Variants in SERTAD2 observed in about 807,000 individuals in gnomAD.
The protein encoded by SERTAD2 is SERTA domain-containing protein 2.
In SERTAD2, 2 loss-of-function variants were observed where a neutral mutation model predicts 15.4. The ratio of observed to expected loss-of-function variants is 0.13; its 90% confidence interval spans 0.05 to 0.41. The LOEUF (loss-of-function observed/expected upper bound fraction) is 0.41, where lower values mean the gene tolerates loss of function less well. SERTAD2 is among the 10% of genes least tolerant of loss of function. The pLI is 0.99. For synonymous variants in SERTAD2, 180 were observed against 178.0 expected (o/e 1.01, Z -0.09); for missense variants, 333 against 409.7 (o/e 0.81, Z 1.62).
At chr2:64,637,499 T>C (rs1306641197) in intron 1 of SERTAD2, among the ~76,000 whole-genome samples, 1 of 152,208 alleles carries the variant, frequency 6.6e-6, no homozygotes, top group Non-Finnish European at 1.5e-5. Flanking sequence ...ATGACCACAG[T>C]GACTGAGCCG....
chr2:64,644,112 G>A (rs1343713622), intron 1 of SERTAD2, among the ~76,000 whole-genome samples: 1 of 152,202 alleles, frequency 6.6e-6, no homozygotes, highest in Admixed American at 6.5e-5. Flanking sequence ...TTATGAGAAG[G>A]CTGGCAGCGG....
rs903298661 is a variant in SERTAD2 at position 64,635,465 on chromosome 2, G to A, written c.*462C>T. On this transcript the variant is annotated 3_prime_UTR_variant, in exon 2 of 2. Coordinates refer to ENST00000313349, the MANE Select transcript of SERTAD2 (RefSeq NM_014755.3). ...TTAATGCCTCTAAAAAGGCCGAATT[G>A]CCAAGTCAACCTATACAGGGCAAAA... is the stretch of plus-strand genomic sequence containing the variant. 6.5e-6 allele frequency: 1 copy of A among 153,508 alleles called. No individual in the cohort carries two copies. The highest frequency in any genetic ancestry group is 1.5e-5 in the Non-Finnish European group (1 of 68,632). The allele number at this position is 153,508 out of a possible 1,614,324, so 9.5% of individuals were successfully genotyped here. A position where few individuals can be genotyped will look rare whatever the true frequency, so the allele number is the denominator to read the frequency against.
At position 64,636,626 on chromosome 2, in the gene SERTAD2, C is replaced by T. The variant is rs781294096; in HGVS notation, c.246G>A (p.Leu82=). The change falls in exon 2 of 2, where the codon CTG becomes CTA. Residue 82 remains leucine, a synonymous_variant. Transcript: ENST00000313349. ...GGGAGGAGGGGGTGAACATGGGCCT[C>T]AGGCTGCCTTCCTGTTTGAGTTCCT... ...IQEELKQEGS[L]RPMFTPSSQP... 4.3e-6 allele frequency: 7 copies of T among 1,613,240 alleles called. No individual in the cohort carries two copies. Among genetic ancestry groups the T allele is most frequent in the Non-Finnish European group, 5.9e-6 (7 of 1,179,574 alleles).
rs1425835288 is a variant in SERTAD2 at position 64,633,890 on chromosome 2, T to C, written c.*2037A>G. Reference sequence around the variant, plus strand: ...AGTAAATTAGAATGTAGAAAGCCTTTATCATATCATACTCAAATCTTTTGC... The same window carrying C: ...AGTAAATTAGAATGTAGAAAGCCTTCATCATATCATACTCAAATCTTTTGC... On this transcript the variant is annotated 3_prime_UTR_variant, in exon 2 of 2. Coordinates refer to ENST00000313349, the MANE Select transcript of SERTAD2 (RefSeq NM_014755.3). 6.6e-6 allele frequency: 1 copy of C among 152,496 alleles called. No homozygotes were observed. The highest frequency in any genetic ancestry group is 1.5e-5 in the Non-Finnish European group (1 of 68,000). 9.4% of individuals were successfully genotyped at this position (152,496 alleles called of 1,614,324 possible).
At chr2:64,641,900 C>T (rs56116116) in intron 1 of SERTAD2, among the ~76,000 whole-genome samples, 2,993 of 152,296 alleles carry the variant, frequency 0.02, 74 homozygotes, top group African/African-American at 0.063. Flanking sequence ...AAGCACAGGC[C>T]GTTGGGCCCC....
Position 64,638,267 on chromosome 2 carries a change from A to G in SERTAD2, c.-4-1392T>C, listed in dbSNP as rs185190173. ...TGCTTCAGCTGATTGATCACACCTC[A>G]TTCAATCCTTTAATAACTTATCCAC... On this transcript the variant is annotated intron_variant, in intron 1 of 1. Coordinates refer to ENST00000313349, the MANE Select transcript of SERTAD2 (RefSeq NM_014755.3). Among the ~76,000 whole-genome samples the G allele has an allele frequency of 2.4e-4, 36 of 151,766 alleles. No individual in the cohort carries two copies. In the East Asian group the frequency reaches 6.6e-3, roughly 28 times the overall value.
At chr2:64,638,923 T>C (rs915706189) in intron 1 of SERTAD2, among the ~76,000 whole-genome samples, 3 of 152,202 alleles carry the variant, frequency 2.0e-5, no homozygotes, top group African/African-American at 7.2e-5. Flanking sequence ...GGTGGTTTCA[T>C]CTCATATTGC....
chr2:64,633,598 A>G lies in SERTAD2; in HGVS notation c.*2329T>C, dbSNP rs1408128390. 6.6e-6 allele frequency: 1 copy of G among 152,268 alleles called. No homozygotes were observed. The highest frequency in any genetic ancestry group is 1.9e-4 in the East Asian group (1 of 5,204). The allele number at this position is 152,268 out of a possible 1,614,324, so 9.4% of individuals were successfully genotyped here. On this transcript the variant is annotated 3_prime_UTR_variant, in exon 2 of 2. Coordinates refer to ENST00000313349, the MANE Select transcript of SERTAD2 (RefSeq NM_014755.3). Reference sequence around the variant, plus strand: ...CAGGTTTGCCAGGTCCTCCAGTTATAGAAAGCATGGAATCTGGGCAGACTT... The same window carrying G: ...CAGGTTTGCCAGGTCCTCCAGTTATGGAAAGCATGGAATCTGGGCAGACTT...
intron 1 of SERTAD2, among the ~76,000 whole-genome samples, chr2:64,640,684 C>A (rs1674756369): frequency 6.6e-6 from 1 of 152,122 alleles, no homozygotes; most frequent in African/African-American, 2.4e-5. Context: ...GGCCTGTGAC[C>A]CATTGGCTTC....
At chr2:64,648,670 A>AC (rs1674952217) in intron 1 of SERTAD2, among the ~76,000 whole-genome samples, 1 of 151,494 alleles carries the variant, frequency 6.6e-6, no homozygotes, top group South Asian at 2.1e-4. Context: ...CCAGCCTGCC[A>AC]CCCCCAGCCT....
In SERTAD2 at chr2:64,633,782, A is replaced by T. The variant is rs1157126500; in HGVS notation, c.*2145T>A. The T allele has an allele frequency of 6.6e-6, 1 of 152,228 alleles. No individual in the cohort carries two copies. Among genetic ancestry groups the T allele is most frequent in the South Asian group, 2.1e-4 (1 of 4,824 alleles). The allele number at this position is 152,228 out of a possible 1,614,324, so 9.4% of individuals were successfully genotyped here. Reference sequence around the variant, plus strand: ...TGTCTGCGTGGAGGTTGCTTGTAGGAGAACAAGTGCAATTTGATCAGTTTC... The same window carrying T: ...TGTCTGCGTGGAGGTTGCTTGTAGGTGAACAAGTGCAATTTGATCAGTTTC... On this transcript the variant is annotated 3_prime_UTR_variant, in exon 2 of 2. Coordinates refer to ENST00000313349, the MANE Select transcript of SERTAD2 (RefSeq NM_014755.3).
chr2:64,645,401 A>AG (rs398104374), intron 1 of SERTAD2, among the ~76,000 whole-genome samples: 1 of 151,492 alleles, frequency 6.6e-6, no homozygotes, highest in East Asian at 1.9e-4. Flanking sequence ...AGAAAAAAAA[A>AG]GCCTGACGAT....
chr2:64,652,281 G>A (rs1241129455), intron 1 of SERTAD2, among the ~76,000 whole-genome samples: 1 of 152,006 alleles, frequency 6.6e-6, no homozygotes, highest in Non-Finnish European at 1.5e-5. Context: ...AAAAGGGGGA[G>A]GGATGGGAGC....
intron 1 of SERTAD2, among the ~76,000 whole-genome samples, chr2:64,639,881 G>A (rs530840317): frequency 6.6e-6 from 1 of 152,292 alleles, no homozygotes; most frequent in East Asian, 1.9e-4. Context: ...TAATGATTTA[G>A]AGAAAGCCTG....
At chr2:64,651,016 A>G (rs943188982) in intron 1 of SERTAD2, among the ~76,000 whole-genome samples, 1 of 152,238 alleles carries the variant, frequency 6.6e-6, no homozygotes, top group Non-Finnish European at 1.5e-5. Flanking sequence ...AGGATATGCC[A>G]TGACAGTGAA....
At chr2:64,639,975 CA>C (rs1282341332) in intron 1 of SERTAD2, among the ~76,000 whole-genome samples, 1 of 151,848 alleles carries the variant, frequency 6.6e-6, no homozygotes, top group African/African-American at 2.4e-5. Context: ...ACACACACAC[CA>C]AATCTTGGAT....
At chr2:64,652,376 A>G (rs1675031201) in intron 1 of SERTAD2, among the ~76,000 whole-genome samples, 1 of 152,144 alleles carries the variant, frequency 6.6e-6, no homozygotes, top group Admixed American at 6.5e-5. Flanking sequence ...TCTCAGGTGG[A>G]CGGTCCTTCA....
At chr2:64,640,361 G>A (rs1352480298) in intron 1 of SERTAD2, among the ~76,000 whole-genome samples, 1 of 152,160 alleles carries the variant, frequency 6.6e-6, no homozygotes, top group Non-Finnish European at 1.5e-5. Context: ...GACACGACAT[G>A]CCCTCAAGAA....
At chr2:64,644,700 C>T (rs1419636179) in intron 1 of SERTAD2, 2 of 152,392 alleles carry the variant, frequency 1.3e-5, no homozygotes, top group Non-Finnish European at 2.9e-5. Flanking sequence ...AGAGGCTGCC[C>T]TGAAAAGGTT....
Sources: gnomAD v4.1 joint callset for allele counts (sites outside exome capture counted in the v4.1 genomes callset) on GRCh38, gnomAD v4.1.1 for gene constraint, MANE v1.5 for transcripts, NCBI Gene and HGNC (gene_info 2026-07-23, HGNC 2026-07-21) for gene names.